SOX6: variants seen among roughly 807,000 people sequenced by gnomAD.
SOX6 encodes transcription factor SOX-6.
SOX6 carries 11 observed loss-of-function variants against 97.8 expected under a neutral mutation model. That is an observed-to-expected ratio of 0.11 (90% confidence interval 0.07 to 0.19). The LOEUF (loss-of-function observed/expected upper bound fraction) is 0.19. Among genes scored for constraint, SOX6 ranks in the 10% least tolerant of loss-of-function variants. The probability of loss-of-function intolerance (pLI) is 1.00; values close to 1 mark genes in which losing one functional copy is unlikely to be tolerated. For synonymous variants in SOX6, 360 were observed against 371.4 expected (o/e 0.97, Z 0.35); for missense variants, 810 against 1,039.5 (o/e 0.78, Z 3.04).
chr11:16,310,092 T>C (rs186882660), intron 3 of SOX6, among the ~76,000 whole-genome samples: 30 of 152,160 alleles, frequency 2.0e-4, no homozygotes, highest in African/African-American at 5.8e-4. Context: ...TCTGAGGAGA[T>C]AGAAATGAGC....
intron 3 of SOX6, among the ~76,000 whole-genome samples, chr11:16,245,137 CATTA>C (rs1047136249): frequency 6.6e-6 from 1 of 151,724 alleles, no homozygotes; most frequent in Non-Finnish European, 1.5e-5. Context: ...GTTGGGTTTT[CATTA>C]TCATTTAGTT....
At chr11:16,276,953 C>T (rs936949341) in intron 3 of SOX6, among the ~76,000 whole-genome samples, 1 of 152,288 alleles carries the variant, frequency 6.6e-6, no homozygotes, top group Admixed American at 6.5e-5. Context: ...AAACACTTAG[C>T]TTTTCACACG....
chr11:16,362,754 T>C (rs769411231), intron 1 of SOX6, among the ~76,000 whole-genome samples: 12 of 152,088 alleles, frequency 7.9e-5, no homozygotes, highest in Non-Finnish European at 1.2e-4. Context: ...TGCTTCAGAA[T>C]TGTAAAATTT....
intron 4 of SOX6, among the ~76,000 whole-genome samples, chr11:16,210,300 T>C (rs1459628961): frequency 6.6e-6 from 1 of 152,188 alleles, no homozygotes; most frequent in African/African-American, 2.4e-5. Flanking sequence ...TAATATCATG[T>C]GGCAATAAAA....
chr11:16,616,732 A>T (rs1282200823), intron 3 of SOX6, among the ~76,000 whole-genome samples: 1 of 151,944 alleles, frequency 6.6e-6, no homozygotes, highest in Non-Finnish European at 1.5e-5. Flanking sequence ...ATTCCACAAG[A>T]TGATATTTCA....
chr11:16,619,470 C>G (rs1473343134), intron 3 of SOX6, among the ~76,000 whole-genome samples: 2 of 151,818 alleles, frequency 1.3e-5, no homozygotes, highest in Admixed American at 1.3e-4. Flanking sequence ...CAAATAAATT[C>G]TAATTTTGGT....
intron 13 of SOX6, among the ~76,000 whole-genome samples, chr11:16,000,053 C>A (rs1456210909): frequency 6.6e-6 from 1 of 152,146 alleles, no homozygotes; most frequent in East Asian, 1.9e-4. Flanking sequence ...AGGTCCAATT[C>A]ATTGTGTTGA....
intron 12 of SOX6, among the ~76,000 whole-genome samples, chr11:16,026,379 G>C (rs1201496158): frequency 6.6e-6 from 1 of 152,036 alleles, no homozygotes. Flanking sequence ...AAGTTCCGTG[G>C]CCACCATAGT....
At chr11:16,238,169 G>A (rs190106337) in intron 3 of SOX6, among the ~76,000 whole-genome samples, 7 of 151,832 alleles carry the variant, frequency 4.6e-5, no homozygotes, top group East Asian at 3.9e-4. Flanking sequence ...ATCAAAAATC[G>A]CGAGCTGGAC....
chr11:16,216,142 GAT>G (rs1236383120), intron 4 of SOX6, among the ~76,000 whole-genome samples: 1 of 152,130 alleles, frequency 6.6e-6, no homozygotes, highest in Non-Finnish European at 1.5e-5. Flanking sequence ...GATTAAGTGA[GAT>G]AAAATACACA....
intron 3 of SOX6, among the ~76,000 whole-genome samples, chr11:16,684,222 C>A (rs1324558096): frequency 6.6e-6 from 1 of 152,148 alleles, no homozygotes; most frequent in East Asian, 1.9e-4. Context: ...CCAGTGATCC[C>A]ATTACTGGGT....
At chr11:16,337,795 AT>A (rs1259667173) in intron 2 of SOX6, among the ~76,000 whole-genome samples, 3 of 152,116 alleles carry the variant, frequency 2.0e-5, no homozygotes, top group Non-Finnish European at 2.9e-5. Flanking sequence ...TTGAAATCCT[AT>A]TTCTAAAATT....
chr11:16,506,573 G>A (rs558717235), intron 4 of SOX6, among the ~76,000 whole-genome samples: 102 of 152,226 alleles, frequency 6.7e-4, no homozygotes, highest in Non-Finnish European at 1.3e-3. Context: ...GTTTTAAAAT[G>A]TGAGAAGGAC....
intron 1 of SOX6, among the ~76,000 whole-genome samples, chr11:16,453,637 A>G (rs1859759362): frequency 6.6e-6 from 1 of 152,154 alleles, no homozygotes; most frequent in South Asian, 2.1e-4. Context: ...TATGTCGGGC[A>G]CTAGTTGTGA....
intron 2 of SOX6, among the ~76,000 whole-genome samples, chr11:16,330,186 T>A (rs1856242824): frequency 6.6e-6 from 1 of 152,194 alleles, no homozygotes; most frequent in Admixed American, 6.5e-5. Context: ...TTTAAAGATT[T>A]CATGCCATGT....
At chr11:16,132,413 GAAA>G (rs1849814323) in intron 6 of SOX6, among the ~76,000 whole-genome samples, 1 of 90,548 alleles carries the variant, frequency 1.1e-5, no homozygotes, top group African/African-American at 5.2e-5. Flanking sequence ...AAGAAAGAAA[GAAA>G]GAAAGAAAGA....
At chr11:16,126,036 T>C (rs1157786327) in intron 6 of SOX6, among the ~76,000 whole-genome samples, 1 of 152,096 alleles carries the variant, frequency 6.6e-6, no homozygotes, top group Admixed American at 6.6e-5. Context: ...AACATATATT[T>C]AACATTAGGT....
chr11:16,064,376 TG>T (rs1354964844), intron 9 of SOX6, among the ~76,000 whole-genome samples: 2 of 151,336 alleles, frequency 1.3e-5, no homozygotes, highest in Non-Finnish European at 3.0e-5. Context: ...TTCTGTGCTC[TG>T]TCATTTCAAT....
At chr11:16,047,916 T>C (rs563748092) in intron 11 of SOX6, among the ~76,000 whole-genome samples, 271 of 152,220 alleles carry the variant, frequency 1.8e-3, no homozygotes, top group African/African-American at 6.4e-3. Flanking sequence ...AGCTTTTATT[T>C]TGGAGCTTTT....
Sources: gnomAD v4.1 joint callset for allele counts (sites outside exome capture counted in the v4.1 genomes callset) on GRCh38, gnomAD v4.1.1 for gene constraint, MANE v1.5 for transcripts, NCBI Gene and HGNC (gene_info 2026-07-23, HGNC 2026-07-21) for gene names.